Variants in ANTXR2 observed in about 807,000 individuals in gnomAD.
ANTXR2 encodes the protein ANTXR cell adhesion molecule 2.
In ANTXR2, 44 loss-of-function variants were observed where a neutral mutation model predicts 73.7. That is an observed-to-expected ratio of 0.60 (90% CI 0.47 to 0.77). ANTXR2 has a LOEUF of 0.77. Among genes scored for constraint, ANTXR2 ranks in the 30% least tolerant of loss-of-function variants. ANTXR2 has a pLI of 0.00. For missense variants in ANTXR2, 604 were observed against 592.5 expected, an observed-to-expected ratio of 1.02 and a Z score of -0.20; for synonymous variants, 217 against 205.9, an observed-to-expected ratio of 1.05 and a Z score of -0.46.
At chr4:79,932,043 T>A (rs1031167519) in intron 16 of ANTXR2, among the ~76,000 whole-genome samples, 8 of 152,232 alleles carry the variant, frequency 5.3e-5, no homozygotes, top group African/African-American at 1.9e-4. Context: ...TCAAATTTCA[T>A]AGGTATTCTG....
At chr4:79,907,493 G>A (rs759007468) in intron 16 of ANTXR2, 26 bp from the exon 17 acceptor site, 1 of 1,605,642 alleles carries the variant, frequency 6.2e-7, no homozygotes, top group Non-Finnish European at 8.5e-7. Context: ...AATCCATATT[G>A]AAATATTGAA....
chr4:80,050,155 T>C (rs1198278162), intron 7 of ANTXR2, among the ~76,000 whole-genome samples: 1 of 151,734 alleles, frequency 6.6e-6, no homozygotes, highest in Non-Finnish European at 1.5e-5. Flanking sequence ...CCACAGGAAT[T>C]GTGTCTCTCC....
chr4:79,983,874 C>A lies in ANTXR2; in HGVS notation c.1179+4G>T. The A allele has an allele frequency of 6.2e-7, 1 of 1,606,994 alleles. No individual in the cohort carries two copies. The highest frequency in any genetic ancestry group is 1.1e-5 in the South Asian group (1 of 90,674). On this transcript the variant is annotated splice_donor_region_variant and intron_variant, in intron 14 of 16. Coordinates refer to ENST00000403729, the MANE Select transcript of ANTXR2 (RefSeq NM_058172.6). ...CAGCTTCTATTTTTTTTTAAGATAC[C>A]AACCTCCATTCTTTTAATTCCTCCA...
At chr4:80,071,550 C>G (rs367854575) in intron 2 of ANTXR2, 33 bp downstream of exon 2, 1 of 1,553,082 alleles carries the variant, frequency 6.4e-7, no homozygotes, top group Non-Finnish European at 8.9e-7. Context: ...CTCTACTTCT[C>G]CACTGCCTAG....
intron 16 of ANTXR2, among the ~76,000 whole-genome samples, chr4:79,966,884 G>A (rs1729387320): frequency 6.6e-6 from 1 of 150,592 alleles, no homozygotes; most frequent in African/African-American, 2.4e-5. Flanking sequence ...TTACTGTGCT[G>A]GCGACTATAA....
chr4:79,920,128 G>A (rs1727537470), intron 16 of ANTXR2, among the ~76,000 whole-genome samples: 1 of 151,444 alleles, frequency 6.6e-6, no homozygotes, highest in Non-Finnish European at 1.5e-5. Flanking sequence ...AGGCCTAAAA[G>A]CAATGACAGT....
intron 12 of ANTXR2, among the ~76,000 whole-genome samples, chr4:79,986,075 C>T (rs1309815164): frequency 6.6e-6 from 1 of 152,068 alleles, no homozygotes; most frequent in Admixed American, 6.5e-5. Context: ...AATTCCTGAT[C>T]TCGGGTGATC....
chr4:79,999,496 A>T (rs1031416403), intron 12 of ANTXR2, among the ~76,000 whole-genome samples: 2 of 152,014 alleles, frequency 1.3e-5, no homozygotes, highest in Non-Finnish European at 2.9e-5. Context: ...GTAGTTCTTC[A>T]TAGGAGTGTA....
At chr4:79,936,821 C>G (rs977804602) in intron 16 of ANTXR2, among the ~76,000 whole-genome samples, 7 of 151,912 alleles carry the variant, frequency 4.6e-5, no homozygotes, top group African/African-American at 1.7e-4. Context: ...TATAATCATT[C>G]CCACCTAGTA....
intron 16 of ANTXR2, among the ~76,000 whole-genome samples, chr4:79,975,560 C>G (rs1729589435): frequency 6.6e-6 from 1 of 152,106 alleles, no homozygotes; most frequent in Non-Finnish European, 1.5e-5. Flanking sequence ...AGTATATATT[C>G]AATGTTAGCT....
At chr4:79,926,825 G>GT (rs1192231263) in intron 16 of ANTXR2, among the ~76,000 whole-genome samples, 2 of 151,530 alleles carry the variant, frequency 1.3e-5, no homozygotes, top group Non-Finnish European at 2.9e-5. Context: ...TGGAAACAAT[G>GT]TAAGTATCCA....
At chr4:79,933,928 T>G (rs1453929053) in intron 16 of ANTXR2, among the ~76,000 whole-genome samples, 1 of 151,734 alleles carries the variant, frequency 6.6e-6, no homozygotes, top group Admixed American at 6.6e-5. Flanking sequence ...TTAGTAGAGA[T>G]GGGGTTTCGC....
chr4:79,995,528 A>G (rs1234543704), intron 12 of ANTXR2, among the ~76,000 whole-genome samples: 2 of 151,986 alleles, frequency 1.3e-5, no homozygotes, highest in Non-Finnish European at 2.9e-5. Flanking sequence ...AAGTTTATTC[A>G]TCTGGGAAAT....
At chr4:80,051,091 A>G (rs941562116) in intron 7 of ANTXR2, among the ~76,000 whole-genome samples, 8 of 151,566 alleles carry the variant, frequency 5.3e-5, no homozygotes, top group African/African-American at 1.9e-4. Flanking sequence ...ATCTATCCCA[A>G]TTGTCAGAGT....
At chr4:80,055,119 G>A (rs756510595) in intron 6 of ANTXR2, 31 bp downstream of exon 6, 1 of 1,523,946 alleles carries the variant, frequency 6.6e-7, no homozygotes, top group South Asian at 1.2e-5. Flanking sequence ...ATGTGGTTCA[G>A]ATTAAAGTTT....
intron 16 of ANTXR2, among the ~76,000 whole-genome samples, chr4:79,963,723 G>T (rs1729238000): frequency 6.6e-6 from 1 of 151,912 alleles, no homozygotes; most frequent in Admixed American, 6.6e-5. Flanking sequence ...CCATTCCCAG[G>T]AGCTCTTTCT....
rs1454522282 is a variant in ANTXR2, at chr4:79,926,917, G to GTGTGTATATACACATGTGTGCATATA, written c.1429-19451_1429-19450insTATATGCACACATGTGTATATACACA. On this transcript the variant is annotated intron_variant, in intron 16 of 16. Transcript: ENST00000403729. ...TGTATATACACATGTGTGCATATAT[G>GTGTGTATATACACATGTGTGCATATA]TGTATATATACACATGTGCATATAT... is the stretch of plus-strand genomic sequence containing the variant. Among the ~76,000 whole-genome samples the GTGTGTATATACACATGTGTGCATATA allele has an allele frequency of 1.3e-4, 12 of 93,154 alleles. No homozygotes were observed. The East Asian group carries it at 0.01, about 81-fold the overall frequency. 61.1% of individuals were successfully genotyped at this position (93,154 alleles called of 152,430 possible).
chr4:79,991,782 A>G (rs1012125393), intron 12 of ANTXR2, among the ~76,000 whole-genome samples: 2 of 152,152 alleles, frequency 1.3e-5, no homozygotes, highest in Non-Finnish European at 1.5e-5. Context: ...TTTAAAAAAA[A>G]TGAAATCATG....
At chr4:79,926,554 C>T (rs1377566899) in intron 16 of ANTXR2, among the ~76,000 whole-genome samples, 3 of 151,984 alleles carry the variant, frequency 2.0e-5, no homozygotes, top group Admixed American at 1.3e-4. Flanking sequence ...ATTAAAGTAA[C>T]GATTATTAAA....
Sources: allele counts gnomAD v4.1 joint callset (sites outside exome capture counted in the v4.1 genomes callset), GRCh38; gene constraint gnomAD v4.1.1; transcripts MANE v1.5; gene names NCBI Gene and HGNC (gene_info 2026-07-23, HGNC 2026-07-21).